The following MTCL1 variants were observed in gnomAD, a reference collection of about 807,000 sequenced individuals.
The protein encoded by MTCL1 is microtubule crosslinking factor 1, also known as microtubule cross-linking factor 1.
Under a neutral mutation model 141.4 loss-of-function variants are expected in MTCL1, and 79 were observed. That is an observed-to-expected ratio of 0.56 (90% CI 0.47 to 0.67). The LOEUF (loss-of-function observed/expected upper bound fraction) is 0.67, where lower values mean the gene tolerates loss of function less well. Ranked by LOEUF, MTCL1 falls within the 30% of genes least tolerant of loss-of-function variation. The pLI, the probability that MTCL1 is intolerant of heterozygous loss-of-function variation, is 0.00. For synonymous variants in MTCL1, 914 were observed against 875.8 expected (o/e 1.04, Z -0.77); for missense variants, 2,177 against 2,113.9 (o/e 1.03, Z -0.59).
Position 8,809,559 on chromosome 18 carries a change from G to A in MTCL1, c.2604+2499G>A. 3 of 1,536,206 alleles carry A rather than the reference G, an allele frequency of 2.0e-6. No homozygotes were observed. In the South Asian group the frequency reaches 3.6e-5, roughly 18 times the overall value. On this transcript the variant is annotated intron_variant, in intron 11 of 16. Transcript: ENST00000359865. ...GAAGAGCCTTGGGTTGCAGAGATTG[G>A]AGGTGAGAGGGGTGACTCTGAAGTA...
chr18:8,724,629 C>G (rs947116228), intron 4 of MTCL1, among the ~76,000 whole-genome samples: 1 of 152,066 alleles, frequency 6.6e-6, no homozygotes, highest in African/African-American at 2.4e-5. Flanking sequence ...CTTGGCTTGT[C>G]TTAACTCTTT....
chr18:8,806,921 C>T, exon 11 of MTCL1: 1 of 1,613,698 alleles, frequency 6.2e-7, no homozygotes, highest in South Asian at 1.1e-5. Context: ...CTGTTCAGCG[C>T]CTTCAAGGCC....
chr18:8,798,894 A>C (rs1000493773), intron 10 of MTCL1, among the ~76,000 whole-genome samples: 1 of 152,188 alleles, frequency 6.6e-6, no homozygotes, highest in Non-Finnish European at 1.5e-5. Context: ...TTTATACCAA[A>C]ATGGCAGTGA....
exon 8 of MTCL1, chr18:8,793,087 G>A: frequency 1.2e-6 from 2 of 1,614,124 alleles, no homozygotes; most frequent in Non-Finnish European, 1.7e-6. Flanking sequence ...TGCATCAAGA[G>A]GAGACAGAGA....
intron 4 of MTCL1, among the ~76,000 whole-genome samples, chr18:8,767,837 C>A (rs1323388694): frequency 6.6e-6 from 1 of 151,940 alleles, no homozygotes; most frequent in Non-Finnish European, 1.5e-5. Context: ...ATCCATAATT[C>A]TATTCCCCAT....
intron 4 of MTCL1, among the ~76,000 whole-genome samples, chr18:8,759,933 GC>G (rs1211234250): frequency 2.0e-5 from 3 of 152,082 alleles, no homozygotes; most frequent in African/African-American, 7.2e-5. Flanking sequence ...TGCTCATGGG[GC>G]CTTGGTGTCC....
intron 1 of MTCL1, among the ~76,000 whole-genome samples, chr18:8,708,264 A>G (rs12604892): frequency 0.28 from 42,740 of 152,030 alleles, 7,200 homozygotes; most frequent in Non-Finnish European, 0.38. Context: ...GGAAAACTGT[A>G]TTTCTTTAAA....
chr18:8,797,104 C>A (rs1404385466), intron 9 of MTCL1, among the ~76,000 whole-genome samples: 1 of 152,172 alleles, frequency 6.6e-6, no homozygotes, highest in African/African-American at 2.4e-5. Flanking sequence ...AGCAAAGTTC[C>A]GCTCCCGTCT....
At chr18:8,819,403 T>C in intron 13 of MTCL1, 144 bp downstream of exon 12, 2 of 798,444 alleles carry the variant, frequency 2.5e-6, no homozygotes, top group Non-Finnish European at 3.9e-6. Context: ...AAAAATGAAA[T>C]CTTCACAACA....
intron 4 of MTCL1, 66 bp downstream of exon 3, chr18:8,720,562 G>A: frequency 6.7e-7 from 1 of 1,494,514 alleles, no homozygotes; most frequent in Non-Finnish European, 9.1e-7. Flanking sequence ...AACTCCAAGT[G>A]CCCCCTTCTC....
rs1568119871 is a variant in MTCL1, at chr18:8,828,892, T to G, written c.4723-16T>G. The G allele has an allele frequency of 6.2e-7, 1 of 1,614,204 alleles. No homozygotes were observed. The highest frequency in any genetic ancestry group is 8.5e-7 in the Non-Finnish European group (1 of 1,180,016). ...CCTTCTTGCTTTTCTTTTCTTTCTC[T>G]GTCTGTTCTGTCCAGAACCAAACTG... On this transcript the variant is annotated splice_polypyrimidine_tract_variant and intron_variant, in intron 15 of 16. Transcript: ENST00000359865. This position sits in a 1 kb window ranked among gnomAD's most constrained non-coding sequence, Gnocchi z 5.2.
In MTCL1 at chr18:8,830,604, C is replaced by T; in HGVS notation, c.*19-1003C>T. 1.0e-6 allele frequency: 1 copy of T among 985,878 alleles called. No homozygotes were observed. The highest frequency in any genetic ancestry group is 1.7e-5 in the African/African-American group (1 of 57,378). The allele number at this position is 985,878 out of a possible 1,614,324, so 61.1% of individuals were successfully genotyped here. On this transcript the variant is annotated intron_variant, in intron 16 of 16. Transcript: ENST00000359865. The surrounding 1 kb of genome is among the most constrained non-coding windows in gnomAD (Gnocchi z 6.4). The stretch of plus-strand genomic sequence containing the variant: ...AGTTGCTTGTCACATCTTTTTAAAT[C>T]CTCCAACTCACTTCCTTTCTTTGAG...
At position 8,830,773 on chromosome 18, in the gene MTCL1, A is replaced by AT. The variant is rs2077170043; in HGVS notation, c.*19-834_*19-833insT. On this transcript the variant is annotated intron_variant, in intron 16 of 16. Coordinates refer to ENST00000359865, the Ensembl canonical transcript of MTCL1. This position sits in a 1 kb window ranked among gnomAD's most constrained non-coding sequence, Gnocchi z 6.4. ...ACAGCTTTTTACATTTCTGTGTATC[A>AT]GCAAATTCCAAATTTGGGTGTCCTG... The AT allele has an allele frequency of 1.0e-6, 1 of 985,306 alleles. No homozygotes were observed. The highest frequency in any genetic ancestry group is 1.2e-6 in the Non-Finnish European group (1 of 829,944). The allele number at this position is 985,306 out of a possible 1,614,324, so 61.0% of individuals were successfully genotyped here.
At chr18:8,798,177 C>A (rs1313380998) in exon 10 of MTCL1, 1 of 1,599,572 alleles carries the variant, frequency 6.3e-7, no homozygotes. Context: ...CAGACCACGA[C>A]AGTGACCGAG....
chr18:8,796,994 T>C (rs921302817), intron 9 of MTCL1, among the ~76,000 whole-genome samples: 3 of 152,232 alleles, frequency 2.0e-5, no homozygotes, highest in African/African-American at 7.2e-5. Flanking sequence ...GTCCAAGAAA[T>C]GGAAATGCAG....
At chr18:8,776,603 GC>G (rs2096509950) in intron 4 of MTCL1, among the ~76,000 whole-genome samples, 1 of 152,178 alleles carries the variant, frequency 6.6e-6, no homozygotes, top group Non-Finnish European at 1.5e-5. Context: ...TAGAGGTTTA[GC>G]CATGAGTTGG....
At chr18:8,778,901 C>T (rs2096522818) in intron 5 of MTCL1, among the ~76,000 whole-genome samples, 3 of 152,312 alleles carry the variant, frequency 2.0e-5, no homozygotes, top group East Asian at 1.9e-4. Flanking sequence ...GAGTTGCATT[C>T]GCCCTGAGGG....
intron 1 of MTCL1, among the ~76,000 whole-genome samples, chr18:8,711,916 CTG>C (rs1567922550): frequency 6.6e-6 from 1 of 152,188 alleles, no homozygotes; most frequent in African/African-American, 2.4e-5. Flanking sequence ...GCTGCCAAGA[CTG>C]TGTTTTGCTC....
exon 7 of MTCL1, chr18:8,785,972 C>T (rs748814510): frequency 6.3e-7 from 1 of 1,597,156 alleles, no homozygotes; most frequent in Admixed American, 1.7e-5. Context: ...GCAGCTCGGG[C>T]CGGCCCGAGG....
Sources: gnomAD v4.1 joint callset for allele counts (sites outside exome capture counted in the v4.1 genomes callset) on GRCh38, gnomAD v4.1.1 for gene constraint, Gnocchi (gnomAD v3.1) non-coding constraint, MANE v1.5 for transcripts, NCBI Gene and HGNC (gene_info 2026-07-23, HGNC 2026-07-21) for gene names.